The following PIWIL4 variants were observed in gnomAD, a reference collection of about 807,000 sequenced individuals.
The protein encoded by PIWIL4 is piwi like RNA-mediated gene silencing 4, also known as piwi-like protein 4.
Under a neutral mutation model 100.9 loss-of-function variants are expected in PIWIL4, and 50 were observed. The observed-to-expected ratio is 0.50, with a 90% confidence interval of 0.39 to 0.63. The LOEUF is 0.63. Among genes scored for constraint, PIWIL4 ranks in the 20% least tolerant of loss-of-function variants. The pLI, the probability that PIWIL4 is intolerant of heterozygous loss-of-function variation, is 0.00. For missense variants in PIWIL4, 887 were observed against 1,043.3 expected, an observed-to-expected ratio of 0.85 and a Z score of 2.06; for synonymous variants, 342 against 367.5, an observed-to-expected ratio of 0.93 and a Z score of 0.79.
intron 2 of PIWIL4, among the ~76,000 whole-genome samples, chr11:94,571,041 G>GT (rs1948144437): frequency 6.6e-6 from 1 of 152,060 alleles, no homozygotes; most frequent in African/African-American, 2.4e-5. Context: ...TGAGGGTCTG[G>GT]TCCCCCCACC....
chr11:94,619,977 C>G lies in PIWIL4; in HGVS notation c.2295-20C>G. 1 of 1,614,162 alleles carries G rather than the reference C, an allele frequency of 6.2e-7. No homozygotes were observed. The highest frequency in any genetic ancestry group is 8.5e-7 in the Non-Finnish European group (1 of 1,180,020). The stretch of plus-strand genomic sequence containing the variant: ...TTCTGTTTGCCTTCTTTCCTACATT[C>G]ATTCCATTTTCCCCCTCAGGTATGA... On this transcript the variant is annotated intron_variant, in intron 18 of 19. Transcript: ENST00000299001.
In PIWIL4 at chr11:94,583,274, G is replaced by A. The variant is rs12289340; in HGVS notation, c.514-174G>A. On this transcript the variant is annotated intron_variant, in intron 4 of 19. Transcript: ENST00000299001. ...TGTGTTGTTTTTTTAGGATTGGCAA[G>A]ATACAGAGAAAAAAAGCCCTCTGAA... Among the ~76,000 whole-genome samples the A allele has an allele frequency of 8.0e-3, 1,220 of 152,104 alleles. 14 individuals are homozygous for A. The highest frequency in any genetic ancestry group is 0.027 in the African/African-American group (1,138 of 41,480).
intron 8 of PIWIL4, among the ~76,000 whole-genome samples, chr11:94,592,212 T>G (rs1357496659): frequency 6.6e-6 from 1 of 152,272 alleles, no homozygotes; most frequent in Non-Finnish European, 1.5e-5. Context: ...CTAGCTGTGC[T>G]AATTTCCAGT....
intron 15 of PIWIL4, among the ~76,000 whole-genome samples, chr11:94,615,917 G>T (rs1257947111): frequency 2.0e-5 from 3 of 150,052 alleles, no homozygotes; most frequent in African/African-American, 2.5e-5. Context: ...GGTAGTAAGA[G>T]AACTTGTTTC....
intron 4 of PIWIL4, 49 bp from the exon 5 acceptor site, chr11:94,583,399 C>T: frequency 6.3e-7 from 1 of 1,595,272 alleles, no homozygotes; most frequent in Non-Finnish European, 8.6e-7. Flanking sequence ...GCATTCTGCA[C>T]ACTTGGGGAT....
At chr11:94,604,505 G>A (rs1032339988) in intron 13 of PIWIL4, among the ~76,000 whole-genome samples, 1 of 152,116 alleles carries the variant, frequency 6.6e-6, no homozygotes, top group African/African-American at 2.4e-5. Flanking sequence ...CACTTCCTCC[G>A]GTGCTGCATC....
At chr11:94,609,181 G>A (rs1166841698) in intron 15 of PIWIL4, among the ~76,000 whole-genome samples, 1 of 152,154 alleles carries the variant, frequency 6.6e-6, no homozygotes, top group African/African-American at 2.4e-5. Flanking sequence ...GCATTTATGG[G>A]AATTATCTAA....
intron 15 of PIWIL4, among the ~76,000 whole-genome samples, chr11:94,610,287 T>G (rs1001725624): frequency 2.6e-5 from 4 of 152,144 alleles, no homozygotes; most frequent in African/African-American, 4.8e-5. Flanking sequence ...TTGTCACAGG[T>G]TGATTCTATC....
intron 9 of PIWIL4, among the ~76,000 whole-genome samples, chr11:94,594,466 C>CAAAAAAAAAA (rs1565276822): frequency 1.7e-4 from 25 of 148,856 alleles, no homozygotes; most frequent in African/African-American, 5.0e-4. Flanking sequence ...ACTCTGTCTC[C>CAAAAAAAAAA]AAAAAAAAAG....
In PIWIL4 at chr11:94,588,777, G is replaced by A. The variant is rs572025776; in HGVS notation, c.915-344G>A. On this transcript the variant is annotated intron_variant, in intron 7 of 19. Coordinates refer to ENST00000299001, the MANE Select transcript of PIWIL4 (RefSeq NM_152431.3). ...CAGAAACTCTTGAGTGACACCAGAAGATAATGGGAAAGTTTTGAGCAATGC... is the reference window on the plus strand; with the variant it reads ...CAGAAACTCTTGAGTGACACCAGAAAATAATGGGAAAGTTTTGAGCAATGC... 1.6e-3 allele frequency among the ~76,000 whole-genome samples: 248 copies of A among 152,262 alleles called. 2 individuals are homozygous for A. The highest frequency in any genetic ancestry group is 2.6e-3 in the Non-Finnish European group (179 of 68,032).
intron 15 of PIWIL4, among the ~76,000 whole-genome samples, chr11:94,611,571 C>A (rs1591803383): frequency 6.6e-6 from 1 of 152,258 alleles, no homozygotes; most frequent in South Asian, 2.1e-4. Context: ...TTTGTCCCCT[C>A]CAAAAAATGT....
At chr11:94,568,933 C>T (rs1031392227) in intron 2 of PIWIL4, 125 bp downstream of exon 2, 2 of 798,990 alleles carry the variant, frequency 2.5e-6, no homozygotes, top group Admixed American at 2.3e-5. Context: ...TTGAAGGATC[C>T]CCTTTGTCAT....
In PIWIL4 at chr11:94,567,489, T is replaced by G; in HGVS notation, c.-30T>G. 1 of 1,517,850 alleles carries G rather than the reference T, an allele frequency of 6.6e-7. No homozygotes were observed. The highest frequency in any genetic ancestry group is 8.9e-7 in the Non-Finnish European group (1 of 1,126,406). 94.0% of individuals were successfully genotyped at this position (1,517,850 alleles called of 1,614,324 possible). A position where few individuals can be genotyped will look rare whatever the true frequency, so the allele number is the denominator to read the frequency against. On this transcript the variant is annotated 5_prime_UTR_variant, in exon 1 of 20. Coordinates refer to ENST00000299001, the MANE Select transcript of PIWIL4 (RefSeq NM_152431.3). ...CATATCCTAACTGAGACTTTGCAGC[T>G]CTTGTGGCCACTCTGGGCTCACCGG...
chr11:94,607,407 C>T lies in PIWIL4; in HGVS notation c.1639-32C>T, dbSNP rs773346507. On this transcript the variant is annotated intron_variant, in intron 13 of 19. Transcript: ENST00000299001. The stretch of plus-strand genomic sequence containing the variant: ...CAACTTCTTAGCAGAAGTAAATTAA[C>T]TTCCAAAATCTTTTGCTGTTTTTGC... 1.6e-5 allele frequency: 25 copies of T among 1,579,110 alleles called. No individual in the cohort carries two copies. In the African/African-American group the frequency reaches 3.2e-4, roughly 20 times the overall value.
chr11:94,567,896 A>G, intron 1 of PIWIL4: 2 of 891,178 alleles, frequency 2.2e-6, no homozygotes, highest in African/African-American at 3.6e-5. Context: ...ATTTCGTTTT[A>G]AATTGCCTTG....
chr11:94,589,021 A>C (rs765345167), intron 7 of PIWIL4, 100 bp from the exon 8 acceptor site: 2 of 741,106 alleles, frequency 2.7e-6, no homozygotes, highest in Admixed American at 5.5e-5. Flanking sequence ...AATTTCTGAC[A>C]TTCTGGAGTC....
chr11:94,587,884 G>A (rs908319759), intron 7 of PIWIL4, among the ~76,000 whole-genome samples: 3 of 151,064 alleles, frequency 2.0e-5, no homozygotes, highest in Admixed American at 2.0e-4. Flanking sequence ...GTTAAACACG[G>A]AAAATTTAGA....
chr11:94,620,275 A>G, intron 19 of PIWIL4, 131 bp downstream of exon 19: 1 of 1,045,624 alleles, frequency 9.6e-7, no homozygotes, highest in Non-Finnish European at 1.3e-6. Context: ...GAATGAATGA[A>G]TGAATGAATC....
intron 1 of PIWIL4, among the ~76,000 whole-genome samples, chr11:94,568,502 G>A (rs1469812322): frequency 2.0e-5 from 3 of 152,138 alleles, no homozygotes; most frequent in Non-Finnish European, 2.9e-5. Flanking sequence ...TATATCTGGC[G>A]ACAGTTGGTA....
Sources: gnomAD v4.1 joint callset for allele counts (sites outside exome capture counted in the v4.1 genomes callset) on GRCh38, gnomAD v4.1.1 for gene constraint, MANE v1.5 for transcripts, NCBI Gene and HGNC (gene_info 2026-07-23, HGNC 2026-07-21) for gene names.